The following MEMO1 variants were observed in gnomAD, a reference collection of about 807,000 sequenced individuals.
MEMO1 encodes protein MEMO1.
A neutral mutation model predicts 45.2 loss-of-function variants in MEMO1; 6 were observed. The ratio of observed to expected loss-of-function variants is 0.13; its 90% CI spans 0.07 to 0.26. The LOEUF is 0.26. Among genes scored for constraint, MEMO1 ranks in the 10% least tolerant of loss-of-function variants. MEMO1 has a pLI of 1.00. For synonymous variants in MEMO1, 78 were observed against 124.3 expected (o/e 0.63, Z 2.48); for missense variants, 184 against 370.5 (o/e 0.50, Z 4.13).
At chr2:31,886,083 C>G (rs1036388549) in intron 7 of MEMO1, among the ~76,000 whole-genome samples, 1 of 152,152 alleles carries the variant, frequency 6.6e-6, no homozygotes, top group Admixed American at 6.5e-5. Flanking sequence ...CAAAAATGCA[C>G]AGAGAGCCAA....
intron 2 of MEMO1, among the ~76,000 whole-genome samples, chr2:31,987,352 A>T (rs889703609): frequency 1.2e-4 from 19 of 152,312 alleles, no homozygotes; most frequent in African/African-American, 4.1e-4. Flanking sequence ...ATGACAAAAG[A>T]CTAGGAAGGA....
intron 3 of MEMO1, among the ~76,000 whole-genome samples, chr2:31,933,599 A>G (rs994231949): frequency 6.6e-6 from 1 of 151,830 alleles, no homozygotes; most frequent in African/African-American, 2.4e-5. Context: ...AATGGTCCTA[A>G]TCTGAAGTAG....
intron 3 of MEMO1, among the ~76,000 whole-genome samples, chr2:31,939,709 C>T (rs559632096): frequency 6.6e-6 from 1 of 152,026 alleles, no homozygotes; most frequent in South Asian, 2.1e-4. Flanking sequence ...GGTAAATGTC[C>T]CCTCTTATCC....
rs1012932150 is a variant in MEMO1 at position 31,913,086 on chromosome 2, G to A, written c.437+4840C>T. 4.6e-5 allele frequency among the ~76,000 whole-genome samples: 7 copies of A among 151,920 alleles called. No individual in the cohort carries two copies. In the East Asian group the frequency reaches 1.4e-3, roughly 29 times the overall value. On this transcript the variant is annotated intron_variant, in intron 6 of 9. Coordinates refer to ENST00000404530, the MANE Select transcript of MEMO1 (RefSeq NM_001301833.4). ...GAGGTCAAGAGATGGAGACCATTCTGGCCAACAAGGTCTACTAAAAATACA... is the reference window on the plus strand; with the variant it reads ...GAGGTCAAGAGATGGAGACCATTCTAGCCAACAAGGTCTACTAAAAATACA...
chr2:31,992,979 G>GA lies in MEMO1; in HGVS notation c.61+17207dup, dbSNP rs563454067. Among the ~76,000 whole-genome samples, 69 of 152,030 alleles carry GA rather than the reference G, an allele frequency of 4.5e-4. 4 individuals carry two copies. Among genetic ancestry groups the GA allele is most frequent in the Middle Eastern group, 6.8e-3 (2 of 294 alleles). Reference sequence around the variant, plus strand: ...AATCAAAAGTCAAATGGGATACTGGGAAAAAAATGCTTCCAACTAATGTCA... The same window carrying GA: ...AATCAAAAGTCAAATGGGATACTGGGAAAAAAAATGCTTCCAACTAATGTCA... On this transcript the variant is annotated intron_variant, in intron 2 of 9. Coordinates refer to ENST00000404530, the MANE Select transcript of MEMO1 (RefSeq NM_001301833.4).
At position 31,980,424 on chromosome 2, in the gene MEMO1, G is replaced by A. The variant is rs148830619; in HGVS notation, c.61+29763C>T. On this transcript the variant is annotated intron_variant, in intron 2 of 9. Transcript: ENST00000404530. ...CTGCAGCAACTAGGTGACAGAATGA[G>A]ACCCTGTCTATAAAAATAAATATAT... is the stretch of plus-strand genomic sequence containing the variant. Among the ~76,000 whole-genome samples, 363 of 152,186 alleles carry A rather than the reference G, an allele frequency of 2.4e-3. 2 individuals carry two copies. Among genetic ancestry groups the A allele is most frequent in the African/African-American group, 8.5e-3 (352 of 41,518 alleles).
intron 7 of MEMO1, among the ~76,000 whole-genome samples, chr2:31,889,946 C>T (rs936405930): frequency 6.6e-6 from 1 of 151,924 alleles, no homozygotes; most frequent in Non-Finnish European, 1.5e-5. Context: ...GTAACTATCA[C>T]CTGGAAATCC....
intron 2 of MEMO1, among the ~76,000 whole-genome samples, chr2:32,002,186 T>TACACAC (rs66840564): frequency 0.078 from 8,968 of 115,328 alleles, 495 homozygotes; most frequent in Middle Eastern, 0.19. Flanking sequence ...TATATATATA[T>TACACAC]ACACACACAC....
At chr2:31,983,823 T>C (rs1670948639) in intron 2 of MEMO1, among the ~76,000 whole-genome samples, 1 of 152,176 alleles carries the variant, frequency 6.6e-6, no homozygotes. Flanking sequence ...GGCAGGAAAA[T>C]ATAAGATGAG....
intron 6 of MEMO1, among the ~76,000 whole-genome samples, chr2:31,898,704 G>C (rs569648698): frequency 6.6e-6 from 1 of 152,320 alleles, no homozygotes; most frequent in Non-Finnish European, 1.5e-5. Flanking sequence ...TTGGGGTAGA[G>C]AGTTCCCCAG....
At chr2:31,932,987 A>T (rs1372808466) in intron 3 of MEMO1, among the ~76,000 whole-genome samples, 1 of 152,272 alleles carries the variant, frequency 6.6e-6, no homozygotes, top group Admixed American at 6.5e-5. Flanking sequence ...CTCAAAAGGT[A>T]TATGAAAAAA....
intron 2 of MEMO1, among the ~76,000 whole-genome samples, chr2:31,998,458 T>C (rs1004121563): frequency 1.3e-5 from 2 of 152,262 alleles, no homozygotes; most frequent in South Asian, 4.1e-4. Flanking sequence ...ACCTCTTTTG[T>C]CTAACTATTC....
intron 6 of MEMO1, among the ~76,000 whole-genome samples, chr2:31,911,048 A>G (rs543599978): frequency 1.7e-3 from 257 of 152,262 alleles, no homozygotes; most frequent in African/African-American, 5.6e-3. Flanking sequence ...ACAAAAAAAA[A>G]GGGGGAGAAG....
chr2:31,968,940 TAAAGTA>T (rs1287018475), intron 2 of MEMO1, among the ~76,000 whole-genome samples: 1 of 152,024 alleles, frequency 6.6e-6, no homozygotes, highest in Non-Finnish European at 1.5e-5. Flanking sequence ...TTGTTAATTT[TAAAGTA>T]AAAGTTAAAA....
chr2:31,953,598 G>C (rs1667090951), intron 2 of MEMO1, among the ~76,000 whole-genome samples: 1 of 151,864 alleles, frequency 6.6e-6, no homozygotes, highest in African/African-American at 2.4e-5. Flanking sequence ...TGAGATTACA[G>C]ATGTGCACCA....
At chr2:31,908,845 C>G (rs916782711) in intron 6 of MEMO1, among the ~76,000 whole-genome samples, 96 of 152,312 alleles carry the variant, frequency 6.3e-4, no homozygotes, top group Non-Finnish European at 3.5e-4. Flanking sequence ...AAGTAATACC[C>G]AAATCCAGCC....
intron 4 of MEMO1, among the ~76,000 whole-genome samples, chr2:31,924,413 T>C (rs370673637): frequency 1.3e-5 from 2 of 151,084 alleles, no homozygotes; most frequent in African/African-American, 4.9e-5. Flanking sequence ...GCGTAACTTT[T>C]CAATATTAGC....
chr2:31,870,478 T>C (rs1572519226), intron 8 of MEMO1, among the ~76,000 whole-genome samples: 1 of 152,312 alleles, frequency 6.6e-6, no homozygotes, highest in Non-Finnish European at 1.5e-5. Flanking sequence ...ATCACCAGCA[T>C]TAAATAATCT....
chr2:31,990,571 C>CAT lies in MEMO1; in HGVS notation c.61+19615_61+19616insAT, dbSNP rs1349949014. On this transcript the variant is annotated intron_variant, in intron 2 of 9. Coordinates refer to ENST00000404530, the MANE Select transcript of MEMO1 (RefSeq NM_001301833.4). ...GGCTCAAGCCATCTAAATTTTTTTT[C>CAT]TTTTTTTTTTTTTTTTTTGGTAGAG... Among the ~76,000 whole-genome samples the CAT allele has an allele frequency of 5.4e-4, 65 of 119,984 alleles. 1 individual carries two copies. Among genetic ancestry groups the CAT allele is most frequent in the South Asian group, 8.0e-4 (3 of 3,760 alleles). The allele number at this position is 119,984 out of a possible 152,430, so 78.7% of individuals were successfully genotyped here. A position where few individuals can be genotyped will look rare whatever the true frequency, so the allele number is the denominator to read the frequency against.
Sources: allele counts gnomAD v4.1 joint callset (sites outside exome capture counted in the v4.1 genomes callset), GRCh38; gene constraint gnomAD v4.1.1; transcripts MANE v1.5; gene names NCBI Gene and HGNC (gene_info 2026-07-23, HGNC 2026-07-21).